The following PTPRR variants were observed in gnomAD, a reference collection of about 807,000 sequenced individuals.
The protein encoded by PTPRR is receptor-type tyrosine-protein phosphatase R.
A neutral mutation model predicts 77.2 loss-of-function variants in PTPRR; 38 were observed. The ratio of observed to expected loss-of-function variants is 0.49; its 90% confidence interval spans 0.38 to 0.65. The LOEUF is 0.65. PTPRR is among the 30% of genes least tolerant of loss of function. The pLI is 0.00. For synonymous variants in PTPRR, 299 were observed against 283.1 expected (o/e 1.06, Z -0.57); for missense variants, 744 against 799.2 (o/e 0.93, Z 0.83).
At chr12:70,671,943 T>C in intron 10 of PTPRR, 1 of 1,044,868 alleles carries the variant, frequency 9.6e-7, no homozygotes, top group South Asian at 1.4e-5. Flanking sequence ...AGAAGAAGGT[T>C]GCTCACAGCT....
chr12:70,901,030 T>C (rs1295853182), intron 1 of PTPRR, among the ~76,000 whole-genome samples: 3 of 151,602 alleles, frequency 2.0e-5, no homozygotes, highest in Non-Finnish European at 3.0e-5. Context: ...ATATACTAAT[T>C]GAGCATCCCT....
At chr12:70,736,948 G>A (rs915300340) in intron 6 of PTPRR, among the ~76,000 whole-genome samples, 3 of 152,176 alleles carry the variant, frequency 2.0e-5, no homozygotes, top group Admixed American at 2.0e-4. Flanking sequence ...AATGCTGTTG[G>A]TGCCCCACCC....
At chr12:70,722,329 A>C (rs1017314038) in intron 6 of PTPRR, among the ~76,000 whole-genome samples, 2 of 152,090 alleles carry the variant, frequency 1.3e-5, no homozygotes, top group African/African-American at 4.8e-5. Flanking sequence ...ACCTTCCTTC[A>C]TCTTCCTATA....
At chr12:70,819,431 G>A (rs1446911125) in intron 2 of PTPRR, among the ~76,000 whole-genome samples, 1 of 152,174 alleles carries the variant, frequency 6.6e-6, no homozygotes, top group African/African-American at 2.4e-5. Flanking sequence ...GGTTAGAAAT[G>A]GAGTCAAAAT....
At chr12:70,744,102 T>A (rs1367485258) in intron 6 of PTPRR, among the ~76,000 whole-genome samples, 1 of 151,918 alleles carries the variant, frequency 6.6e-6, no homozygotes, top group East Asian at 1.9e-4. Context: ...GAAGCAAACA[T>A]AAAAGCACAA....
intron 2 of PTPRR, among the ~76,000 whole-genome samples, chr12:70,778,491 C>G (rs991614136): frequency 1.3e-5 from 2 of 152,134 alleles, no homozygotes; most frequent in African/African-American, 4.8e-5. Flanking sequence ...ACATTTTGGT[C>G]TCATCTTCAA....
intron 6 of PTPRR, among the ~76,000 whole-genome samples, chr12:70,729,406 G>T (rs1256303179): frequency 1.3e-5 from 2 of 152,034 alleles, no homozygotes; most frequent in Admixed American, 1.3e-4. Context: ...AGCTGTTGAA[G>T]CTGAATTTGG....
intron 2 of PTPRR, among the ~76,000 whole-genome samples, chr12:70,873,771 G>A (rs541765022): frequency 3.3e-5 from 5 of 152,010 alleles, no homozygotes; most frequent in Non-Finnish European, 7.4e-5. Context: ...ACAATGTCGG[G>A]GAGTGGTGGG....
At chr12:70,838,882 C>G (rs1485667870) in intron 2 of PTPRR, among the ~76,000 whole-genome samples, 1 of 152,076 alleles carries the variant, frequency 6.6e-6, no homozygotes, top group Non-Finnish European at 1.5e-5. Flanking sequence ...CTAATTAATC[C>G]TCTATTTTTT....
At chr12:70,749,735 A>G (rs1327585635) in intron 5 of PTPRR, among the ~76,000 whole-genome samples, 1 of 152,208 alleles carries the variant, frequency 6.6e-6, no homozygotes, top group Non-Finnish European at 1.5e-5. Flanking sequence ...TTTCCCTCCC[A>G]TATGGATGAC....
chr12:70,864,086 A>G (rs913566176), intron 2 of PTPRR, among the ~76,000 whole-genome samples: 4 of 152,290 alleles, frequency 2.6e-5, no homozygotes, highest in African/African-American at 9.6e-5. Flanking sequence ...ACTCACGTAT[A>G]TTGTATCTGG....
intron 1 of PTPRR, among the ~76,000 whole-genome samples, chr12:70,903,235 TA>T (rs1161160069): frequency 6.6e-6 from 1 of 151,792 alleles, no homozygotes; most frequent in Non-Finnish European, 1.5e-5. Context: ...TCAAAATATC[TA>T]AGAGCATAAA....
At chr12:70,816,777 GTATT>G (rs1235228755) in intron 2 of PTPRR, among the ~76,000 whole-genome samples, 2 of 151,776 alleles carry the variant, frequency 1.3e-5, no homozygotes, top group Non-Finnish European at 2.9e-5. Flanking sequence ...GAGAAAAACA[GTATT>G]TATTTAAAAT....
intron 10 of PTPRR, among the ~76,000 whole-genome samples, chr12:70,668,479 C>T (rs61930341): frequency 0.029 from 4,460 of 152,250 alleles, 94 homozygotes; most frequent in South Asian, 0.11. Context: ...CTGAGCTTTC[C>T]ATGTATATTT....
chr12:70,761,877 C>T (rs1890699834), intron 3 of PTPRR, among the ~76,000 whole-genome samples: 1 of 152,130 alleles, frequency 6.6e-6, no homozygotes, highest in South Asian at 2.1e-4. Context: ...TCAGTGCATG[C>T]TTGCATGCTG....
chr12:70,658,104 CT>C (rs1405720156), intron 12 of PTPRR, among the ~76,000 whole-genome samples: 1 of 152,200 alleles, frequency 6.6e-6, no homozygotes, highest in Non-Finnish European at 1.5e-5. Context: ...ATGTGACTAA[CT>C]TTCAAGCCTT....
intron 4 of PTPRR, among the ~76,000 whole-genome samples, chr12:70,755,792 G>C (rs981529093): frequency 6.6e-6 from 1 of 152,032 alleles, no homozygotes; most frequent in African/African-American, 2.4e-5. Flanking sequence ...CAAGTACCCT[G>C]CTGCAAAACA....
intron 1 of PTPRR, among the ~76,000 whole-genome samples, chr12:70,896,146 A>G (rs2137120882): frequency 6.6e-6 from 1 of 151,838 alleles, no homozygotes; most frequent in East Asian, 1.9e-4. Flanking sequence ...GACATTACAT[A>G]ATGATGGACA....
intron 2 of PTPRR, among the ~76,000 whole-genome samples, chr12:70,865,383 A>T (rs150996364): frequency 7.0e-5 from 8 of 113,660 alleles, no homozygotes; most frequent in African/African-American, 2.1e-4. Context: ...GAACTGATAT[A>T]CTTACGAGAC....
Sources: gnomAD v4.1 joint callset for allele counts (sites outside exome capture counted in the v4.1 genomes callset) on GRCh38, gnomAD v4.1.1 for gene constraint, MANE v1.5 for transcripts, NCBI Gene and HGNC (gene_info 2026-07-23, HGNC 2026-07-21) for gene names.